The following GPR39 variants were observed in gnomAD, a reference collection of about 807,000 sequenced individuals.
The protein encoded by GPR39 is G protein-coupled receptor 39.
Under a neutral mutation model 18.4 loss-of-function variants are expected in GPR39, and 23 were observed. The ratio of observed to expected loss-of-function variants is 1.25; its 90% CI spans 0.90 to 1.77. The LOEUF (loss-of-function observed/expected upper bound fraction) is 1.77, where lower values mean the gene tolerates loss of function less well. Ranked by LOEUF, GPR39 falls within the 40% of genes most tolerant of loss-of-function variation. The pLI, the probability that GPR39 is intolerant of heterozygous loss-of-function variation, is 0.00. For missense variants in GPR39, 647 were observed against 602.4 expected, an observed-to-expected ratio of 1.07 and a Z score of -0.78; for synonymous variants, 280 against 257.9, an observed-to-expected ratio of 1.09 and a Z score of -0.82.
At chr2:132,476,584 C>A (rs1345789629) in intron 1 of GPR39, among the ~76,000 whole-genome samples, 16 of 128,872 alleles carry the variant, frequency 1.2e-4, no homozygotes, top group Non-Finnish European at 2.5e-4. Context: ...TGCAGTGAGC[C>A]GAGATCATGC....
chr2:132,620,635 C>G (rs1681425285), intron 1 of GPR39, among the ~76,000 whole-genome samples: 1 of 152,226 alleles, frequency 6.6e-6, no homozygotes, highest in African/African-American at 2.4e-5. Context: ...GCCTCCCTCC[C>G]AGTGTCTCTT....
chr2:132,437,056 A>G (rs1443325692), intron 1 of GPR39, among the ~76,000 whole-genome samples: 1 of 152,168 alleles, frequency 6.6e-6, no homozygotes, highest in South Asian at 2.1e-4. Context: ...TAACACAGCA[A>G]TTAAGAACCT....
intron 1 of GPR39, among the ~76,000 whole-genome samples, chr2:132,576,471 G>A (rs951681462): frequency 3.3e-5 from 5 of 151,986 alleles, no homozygotes; most frequent in African/African-American, 1.2e-4. Flanking sequence ...TGGCCAACAT[G>A]GCAAAACCCC....
At chr2:132,506,940 A>T (rs1679145225) in intron 1 of GPR39, among the ~76,000 whole-genome samples, 1 of 151,872 alleles carries the variant, frequency 6.6e-6, no homozygotes, top group African/African-American at 2.4e-5. Context: ...TAACCACTTG[A>T]TAGTTTCAGG....
intron 1 of GPR39, among the ~76,000 whole-genome samples, chr2:132,560,269 C>G (rs1430818249): frequency 6.6e-6 from 1 of 152,136 alleles, no homozygotes; most frequent in Non-Finnish European, 1.5e-5. Context: ...CATTCATCAC[C>G]CCTTCTCGAT....
chr2:132,638,143 A>T (rs967200916), intron 1 of GPR39, among the ~76,000 whole-genome samples: 5 of 152,112 alleles, frequency 3.3e-5, no homozygotes, highest in Non-Finnish European at 7.4e-5. Context: ...GGGAGAAAGG[A>T]TAGGAGAAGA....
intron 1 of GPR39, among the ~76,000 whole-genome samples, chr2:132,431,572 G>C (rs891850123): frequency 6.6e-6 from 1 of 152,174 alleles, no homozygotes; most frequent in Admixed American, 6.5e-5. Context: ...TGAGAGGCCA[G>C]GAGGCTGCTC....
At chr2:132,534,200 A>C (rs958429949) in intron 1 of GPR39, among the ~76,000 whole-genome samples, 1 of 152,214 alleles carries the variant, frequency 6.6e-6, no homozygotes, top group Non-Finnish European at 1.5e-5. Flanking sequence ...ACACTTCTCA[A>C]AAGAAGACAT....
At chr2:132,533,245 A>G (rs1394086286) in intron 1 of GPR39, among the ~76,000 whole-genome samples, 4 of 152,162 alleles carry the variant, frequency 2.6e-5, no homozygotes, top group Admixed American at 6.5e-5. Flanking sequence ...CCCATTCACA[A>G]TTGCTTCAAA....
At chr2:132,632,913 TTTATC>T (rs1681676557) in intron 1 of GPR39, among the ~76,000 whole-genome samples, 1 of 152,158 alleles carries the variant, frequency 6.6e-6, no homozygotes, top group South Asian at 2.1e-4. Context: ...ATACTATTAT[TTTATC>T]AGTTTCACAG....
intron 1 of GPR39, among the ~76,000 whole-genome samples, chr2:132,561,084 T>C (rs1680243941): frequency 6.7e-6 from 1 of 148,514 alleles, no homozygotes; most frequent in Admixed American, 6.6e-5. Context: ...TGGCTAAATT[T>C]TGTATTTTTT....
In GPR39 at chr2:132,597,296, C is replaced by T. The variant is rs548665885; in HGVS notation, c.857-47805C>T. 3.3e-5 allele frequency among the ~76,000 whole-genome samples: 5 copies of T among 152,340 alleles called. No individual in the cohort carries two copies. The South Asian group carries it at 1.0e-3, about 32-fold the overall frequency. On this transcript the variant is annotated intron_variant, in intron 1 of 1. Transcript: ENST00000329321. ...GGCTTCCAGAACATCAGCTTCCCAG[C>T]CTGGGCAGCAAGAACAGTGCTAGCT...
intron 1 of GPR39, among the ~76,000 whole-genome samples, chr2:132,441,685 C>T (rs1280546286): frequency 1.3e-5 from 2 of 152,120 alleles, no homozygotes; most frequent in Non-Finnish European, 2.9e-5. Flanking sequence ...AGCTGTTATG[C>T]TAGGTGCTAG....
chr2:132,560,017 C>T (rs1680221516), intron 1 of GPR39, among the ~76,000 whole-genome samples: 1 of 152,110 alleles, frequency 6.6e-6, no homozygotes. Flanking sequence ...CCCTGGCACA[C>T]TTCAGCTGTA....
intron 1 of GPR39, among the ~76,000 whole-genome samples, chr2:132,543,697 G>A (rs1462438928): frequency 6.6e-6 from 1 of 152,198 alleles, no homozygotes; most frequent in Non-Finnish European, 1.5e-5. Flanking sequence ...ATGGGGGTTA[G>A]AAAGTGGGGA....
rs548599250 is a variant in GPR39 at position 132,502,500 on chromosome 2, ATTCTTT to A, written c.856+84608_856+84613del. 2.0e-5 allele frequency among the ~76,000 whole-genome samples: 3 copies of A among 152,214 alleles called. No homozygotes were observed. The East Asian group carries it at 5.8e-4, about 29-fold the overall frequency. ...ATGCTTTTGCCTCACAGCTCTTAAG[ATTCTTT>A]TTCTTGTCTTGACTTTAGATAACCT... On this transcript the variant is annotated intron_variant, in intron 1 of 1. Coordinates refer to ENST00000329321, the MANE Select transcript of GPR39 (RefSeq NM_001508.3).
rs1680151857 is a variant in GPR39, at chr2:132,427,688, A to G, written c.856+9790A>G. Reference sequence around the variant, plus strand: ...TACATCTTTTTGTTTTTTCAGTTACATTTGGAAGAGAAGGATGGGAAGGAG... The same window carrying G: ...TACATCTTTTTGTTTTTTCAGTTACGTTTGGAAGAGAAGGATGGGAAGGAG... On this transcript the variant is annotated intron_variant, in intron 1 of 1. Transcript: ENST00000329321. 2.0e-5 allele frequency among the ~76,000 whole-genome samples: 3 copies of G among 150,266 alleles called. No individual in the cohort carries two copies. The South Asian group carries it at 6.3e-4, about 31-fold the overall frequency.
rs1398052418 is a variant in GPR39, at chr2:132,644,936, G to A, written c.857-165G>A. On this transcript the variant is annotated intron_variant, in intron 1 of 1. Transcript: ENST00000329321. ...AACAGTGTTAAATTCTCTCTTGCTT[G>A]TGGCAAAAGAAGCTGTCAAGTCCAA... 59 of 721,052 alleles carry A rather than the reference G, an allele frequency of 8.2e-5. 1 individual carries two copies. In the East Asian group the frequency reaches 1.6e-3, roughly 19 times the overall value. 44.7% of individuals were successfully genotyped at this position (721,052 alleles called of 1,614,324 possible). A position where few individuals can be genotyped will look rare whatever the true frequency, so the allele number is the denominator to read the frequency against.
chr2:132,628,773 G>A (rs1008614282), intron 1 of GPR39, among the ~76,000 whole-genome samples: 1 of 152,180 alleles, frequency 6.6e-6, no homozygotes, highest in Non-Finnish European at 1.5e-5. Flanking sequence ...ACGTGTGTGT[G>A]TGTGTGTTTG....
Sources: gnomAD v4.1 joint callset for allele counts (sites outside exome capture counted in the v4.1 genomes callset) on GRCh38, gnomAD v4.1.1 for gene constraint, MANE v1.5 for transcripts, NCBI Gene and HGNC (gene_info 2026-07-23, HGNC 2026-07-21) for gene names.